SLC2A5: variants seen among roughly 807,000 people sequenced by gnomAD.
SLC2A5 encodes solute carrier family 2, facilitated glucose transporter member 5.
In SLC2A5, 56 loss-of-function variants were observed where a neutral mutation model predicts 50.3. The ratio of observed to expected loss-of-function variants is 1.11; its 90% CI spans 0.90 to 1.39. The LOEUF (loss-of-function observed/expected upper bound fraction) is 1.39, where lower values mean the gene tolerates loss of function less well. SLC2A5 is among the 40% of genes most tolerant of loss of function. SLC2A5 has a pLI of 0.00. For missense variants in SLC2A5, 566 were observed against 650.1 expected, an observed-to-expected ratio of 0.87 and a Z score of 1.41; for synonymous variants, 269 against 281.9, an observed-to-expected ratio of 0.95 and a Z score of 0.46.
chr1:9,055,942 A>G (rs531822078), intron 3 of SLC2A5, among the ~76,000 whole-genome samples: 1 of 152,134 alleles, frequency 6.6e-6, no homozygotes, highest in Non-Finnish European at 1.5e-5. Context: ...AATAACACCC[A>G]CAAATACTTA....
intron 1 of SLC2A5, among the ~76,000 whole-genome samples, chr1:9,061,289 A>AAAAAAAAG (rs1641937178): frequency 6.9e-6 from 1 of 145,660 alleles, no homozygotes; most frequent in African/African-American, 2.5e-5. Context: ...CTCAAAAAAA[A>AAAAAAAAG]AAAAAAGAAA....
chr1:9,060,655 A>C (rs28617329), intron 1 of SLC2A5, among the ~76,000 whole-genome samples: 13,376 of 69,938 alleles, frequency 0.19, 1,068 homozygotes, highest in East Asian at 0.48. Flanking sequence ...CACACCCCCC[A>C]CACACACACA....
upstream of SLC2A5, among the ~76,000 whole-genome samples, chr1:9,072,796 C>CAAAAAAAAA (rs59542603): frequency 4.1e-3 from 515 of 124,114 alleles, 1 homozygote; most frequent in African/African-American, 0.011. Flanking sequence ...CTAAAAATGC[C>CAAAAAAAAA]AAAAAAAAAA....
At chr1:9,093,041 C>T (rs898875886), upstream of SLC2A5, among the ~76,000 whole-genome samples, 1 of 152,090 alleles carries the variant, frequency 6.6e-6, no homozygotes, top group African/African-American at 2.4e-5. Context: ...CAGGGTCAAG[C>T]CCCACCTCTA....
chr1:9,076,693 T>A (rs1380387101), intron 2 of SLC2A5, among the ~76,000 whole-genome samples: 2 of 152,102 alleles, frequency 1.3e-5, no homozygotes, highest in African/African-American at 4.8e-5. Flanking sequence ...AGTAGAGAGT[T>A]TATTTGGGCC....
intron 1 of SLC2A5, among the ~76,000 whole-genome samples, chr1:9,061,012 G>C (rs977447342): frequency 6.6e-6 from 1 of 151,916 alleles, no homozygotes; most frequent in Admixed American, 6.6e-5. Flanking sequence ...TTCTGGGCAC[G>C]ACGGCTCATG....
intron 4 of SLC2A5, among the ~76,000 whole-genome samples, chr1:9,042,513 G>A (rs751103370): frequency 6.6e-6 from 1 of 150,506 alleles, no homozygotes; most frequent in Non-Finnish European, 1.5e-5. Flanking sequence ...GTGTGTATGT[G>A]TATATGGACA....
At chr1:9,055,376 G>A (rs1003324696) in intron 3 of SLC2A5, among the ~76,000 whole-genome samples, 5 of 152,052 alleles carry the variant, frequency 3.3e-5, no homozygotes, top group Non-Finnish European at 7.4e-5. Flanking sequence ...AATTAGCTGG[G>A]TGTGGTGGCA....
intron 2 of SLC2A5, among the ~76,000 whole-genome samples, chr1:9,076,303 A>C (rs1187575763): frequency 1.3e-5 from 2 of 152,162 alleles, no homozygotes. Context: ...GAAAGGCCCA[A>C]AGACCCTAAT....
chr1:9,068,967 A>T lies in SLC2A5; in HGVS notation c.33+537T>A, dbSNP rs1156853881. 3.3e-5 allele frequency among the ~76,000 whole-genome samples: 5 copies of T among 152,240 alleles called. No homozygotes were observed. The East Asian group carries it at 9.6e-4, about 29-fold the overall frequency. Reference sequence around the variant, plus strand: ...AGAAAGTAAACTGCAATTACGTTGCAGGAGTCCATGAAAATCTTTCCTCTC... The same window carrying T: ...AGAAAGTAAACTGCAATTACGTTGCTGGAGTCCATGAAAATCTTTCCTCTC... On this transcript the variant is annotated intron_variant, in intron 1 of 11. Transcript: ENST00000377424.
rs568901632 is a variant in SLC2A5, at chr1:9,042,086, C to T, written c.419-149G>A. On this transcript the variant is annotated intron_variant, in intron 4 of 11. Coordinates refer to ENST00000377424, the MANE Select transcript of SLC2A5 (RefSeq NM_003039.3). ...GAGAAAGCAAACACCTCTTTTAATT[C>T]TTAGCCCTTTATACTTTAAGGAAAG... 8 of 1,198,326 alleles carry T rather than the reference C, an allele frequency of 6.7e-6. No homozygotes were observed. The East Asian group carries it at 1.6e-4, about 23-fold the overall frequency. The allele number at this position is 1,198,326 out of a possible 1,614,324, so 74.2% of individuals were successfully genotyped here. A position where few individuals can be genotyped will look rare whatever the true frequency, so the allele number is the denominator to read the frequency against.
At chr1:9,038,206 C>A (rs560975570) in intron 10 of SLC2A5, among the ~76,000 whole-genome samples, 182 bp from the exon 11 acceptor site, 1 of 152,202 alleles carries the variant, frequency 6.6e-6, no homozygotes, top group Non-Finnish European at 1.5e-5. Context: ...AGCAACCACC[C>A]GTTAGGCCCA....
At chr1:9,076,448 T>C (rs912176629) in intron 2 of SLC2A5, among the ~76,000 whole-genome samples, 9 of 152,192 alleles carry the variant, frequency 5.9e-5, no homozygotes, top group Admixed American at 3.3e-4. Context: ...TTGCCAGTCA[T>C]TTCTCCCCTT....
At chr1:9,072,105 C>G (rs1642225241), upstream of SLC2A5, 1 of 152,942 alleles carries the variant, frequency 6.5e-6, no homozygotes, top group Admixed American at 6.5e-5. Context: ...GGTCCTGCTT[C>G]TGGCCAGGGA....
intron 3 of SLC2A5, 85 bp downstream of exon 3, chr1:9,057,363 G>C: frequency 1.2e-6 from 1 of 828,830 alleles, no homozygotes; most frequent in Non-Finnish European, 1.9e-6. Context: ...TTAGTCTCAT[G>C]GTAAGGATTT....
intron 1 of SLC2A5, among the ~76,000 whole-genome samples, chr1:9,061,618 A>AATTCTTTTCT (rs1445930939): frequency 3.3e-5 from 5 of 150,828 alleles, no homozygotes; most frequent in Non-Finnish European, 7.4e-5. Flanking sequence ...AAAAAAAAAA[A>AATTCTTTTCT]ATTCTTTTCT....
chr1:9,086,529 C>T (rs889330411), intron 1 of SLC2A5, among the ~76,000 whole-genome samples: 10 of 152,058 alleles, frequency 6.6e-5, no homozygotes, highest in African/African-American at 2.2e-4. Context: ...GCTAGGATTA[C>T]AGGCATGCAC....
At chr1:9,054,304 G>A (rs1641699158) in intron 3 of SLC2A5, among the ~76,000 whole-genome samples, 1 of 152,138 alleles carries the variant, frequency 6.6e-6, no homozygotes, top group Non-Finnish European at 1.5e-5. Flanking sequence ...CTTTATTGGA[G>A]GACATGTAAG....
upstream of SLC2A5, among the ~76,000 whole-genome samples, chr1:9,070,166 C>T (rs372034873): frequency 5.5e-4 from 82 of 149,564 alleles, no homozygotes; most frequent in East Asian, 5.4e-3. Context: ...CTACAACCTC[C>T]GCCTCCCGAG....
Sources: gnomAD v4.1 joint callset for allele counts (sites outside exome capture counted in the v4.1 genomes callset) on GRCh38, gnomAD v4.1.1 for gene constraint, MANE v1.5 for transcripts, NCBI Gene and HGNC (gene_info 2026-07-23, HGNC 2026-07-21) for gene names.